The following PTPRM variants were observed in gnomAD, a reference collection of about 807,000 sequenced individuals.
PTPRM encodes the protein protein tyrosine phosphatase receptor type M.
In PTPRM, 47 loss-of-function variants were observed where a neutral mutation model predicts 186.7. That is an observed-to-expected ratio of 0.25 (90% CI 0.20 to 0.32). The LOEUF is 0.32. Ranked by LOEUF, PTPRM falls within the 10% of genes least tolerant of loss-of-function variation. The pLI is 1.00. For missense variants in PTPRM, 1,494 were observed against 1,865.0 expected (o/e 0.80, Z 3.66); for synonymous variants, 668 against 674.9 (o/e 0.99, Z 0.16).
chr18:8,388,656 C>G (rs773889681), intron 31 of PTPRM, among the ~76,000 whole-genome samples: 1 of 152,120 alleles, frequency 6.6e-6, no homozygotes, highest in Non-Finnish European at 1.5e-5. Flanking sequence ...TCTCATGGAC[C>G]CAGTGCATTA....
intron 7 of PTPRM, among the ~76,000 whole-genome samples, chr18:8,039,369 T>C (rs1158518332): frequency 6.6e-6 from 1 of 152,030 alleles, no homozygotes; most frequent in African/African-American, 2.4e-5. Context: ...GTTTAAATGT[T>C]GTTTTAGAAT....
chr18:7,804,526 A>G (rs2044137027), intron 2 of PTPRM, among the ~76,000 whole-genome samples: 1 of 152,182 alleles, frequency 6.6e-6, no homozygotes, highest in Non-Finnish European at 1.5e-5. Context: ...TCTTTGTCAT[A>G]TGTTATTAGT....
chr18:7,949,453 T>A, intron 6 of PTPRM, 98 bp downstream of exon 6: 1 of 1,053,012 alleles, frequency 9.5e-7, no homozygotes. Context: ...TACCCTTGTC[T>A]GTTTCTGAGC....
At position 7,793,718 on chromosome 18, in the gene PTPRM, C is replaced by T. The variant is rs182385526; in HGVS notation, c.196+19447C>T. Among the ~76,000 whole-genome samples the T allele has an allele frequency of 3.9e-5, 6 of 152,174 alleles. No homozygotes were observed. The East Asian group carries it at 5.8e-4, about 15-fold the overall frequency. ...TGGTCACTGGAGAGAGCTTCATGCC[C>T]GGCCTGTGCTCAGGGACCTAGGTGA... On this transcript the variant is annotated intron_variant, in intron 2 of 32. Transcript: ENST00000580170.
At chr18:8,160,149 A>G (rs2093202145) in intron 14 of PTPRM, among the ~76,000 whole-genome samples, 1 of 152,188 alleles carries the variant, frequency 6.6e-6, no homozygotes. Flanking sequence ...TTTTTTATAA[A>G]TCGTGTATTC....
chr18:7,927,562 G>A (rs1334581858), intron 5 of PTPRM, among the ~76,000 whole-genome samples: 2 of 151,770 alleles, frequency 1.3e-5, no homozygotes, highest in Admixed American at 6.6e-5. Context: ...CTGTGTACGC[G>A]GTTGTGCTCC....
rs1598599211 is a variant in PTPRM, at chr18:7,640,081, G to T, written c.73+72190G>T. 2.0e-5 allele frequency among the ~76,000 whole-genome samples: 3 copies of T among 152,204 alleles called. No homozygotes were observed. In the South Asian group the frequency reaches 6.2e-4, roughly 32 times the overall value. ...TGTAATCAAAAATAAATGGCAGAATGGATGGATGACTGGCAGTGACAGATA... is the reference window on the plus strand; with the variant it reads ...TGTAATCAAAAATAAATGGCAGAATTGATGGATGACTGGCAGTGACAGATA... On this transcript the variant is annotated intron_variant, in intron 1 of 32. Coordinates refer to ENST00000580170, the MANE Select transcript of PTPRM (RefSeq NM_001105244.2).
At chr18:8,173,939 C>T (rs926178253) in intron 14 of PTPRM, among the ~76,000 whole-genome samples, 1 of 152,024 alleles carries the variant, frequency 6.6e-6, no homozygotes, top group South Asian at 2.1e-4. Context: ...GTGGTGGTGT[C>T]GCCCATAATC....
At chr18:8,344,646 A>G (rs1209780635) in intron 23 of PTPRM, among the ~76,000 whole-genome samples, 1 of 151,986 alleles carries the variant, frequency 6.6e-6, no homozygotes, top group Non-Finnish European at 1.5e-5. Flanking sequence ...ACTACAGACC[A>G]GAAATAAAGT....
Position 7,811,831 on chromosome 18 carries a change from T to G in PTPRM, c.196+37560T>G, listed in dbSNP as rs572104305. ...TGTTGTTGGGCAATTATAATCTATATTCTGAACACTTGAAAGGGTTAATAT... is the reference window on the plus strand; with the variant it reads ...TGTTGTTGGGCAATTATAATCTATAGTCTGAACACTTGAAAGGGTTAATAT... On this transcript the variant is annotated intron_variant, in intron 2 of 32. Transcript: ENST00000580170. Among the ~76,000 whole-genome samples the G allele has an allele frequency of 7.9e-5, 12 of 152,284 alleles. No homozygotes were observed. The East Asian group carries it at 2.3e-3, about 29-fold the overall frequency.
At chr18:8,099,159 T>TTCTC (rs371620516) in intron 11 of PTPRM, among the ~76,000 whole-genome samples, 2 of 149,444 alleles carry the variant, frequency 1.3e-5, no homozygotes, top group African/African-American at 5.0e-5. Flanking sequence ...CTCTCTCTCT[T>TTCTC]TCTCTCTCTC....
chr18:8,296,520 A>G, intron 20 of PTPRM, 65 bp downstream of exon 20: 1 of 1,220,342 alleles, frequency 8.2e-7, no homozygotes, highest in Admixed American at 1.7e-5. Flanking sequence ...AAGATTGACC[A>G]CCAGGCTCAT....
intron 7 of PTPRM, among the ~76,000 whole-genome samples, chr18:8,024,165 CTG>C (rs922945916): frequency 6.6e-6 from 1 of 151,946 alleles, no homozygotes; most frequent in African/African-American, 2.4e-5. Flanking sequence ...GAGTTGAGCT[CTG>C]TTTTTGTTTT....
intron 31 of PTPRM, among the ~76,000 whole-genome samples, chr18:8,392,116 A>G (rs898926628): frequency 7.2e-5 from 11 of 152,180 alleles, no homozygotes; most frequent in Non-Finnish European, 1.6e-4. Context: ...TAAATTTGCA[A>G]GACATACCAA....
intron 7 of PTPRM, among the ~76,000 whole-genome samples, chr18:8,035,530 A>G (rs2086265433): frequency 6.6e-6 from 1 of 152,154 alleles, no homozygotes; most frequent in African/African-American, 2.4e-5. Context: ...ATGCTATGTA[A>G]ATAGTTCTTA....
intron 9 of PTPRM, among the ~76,000 whole-genome samples, chr18:8,081,523 T>C (rs1051335128): frequency 6.6e-6 from 1 of 152,200 alleles, no homozygotes; most frequent in Admixed American, 6.5e-5. Flanking sequence ...TTAATAAGCA[T>C]GTATTGAATG....
At chr18:8,238,272 C>A (rs1197707218) in intron 14 of PTPRM, among the ~76,000 whole-genome samples, 1 of 152,088 alleles carries the variant, frequency 6.6e-6, no homozygotes, top group Non-Finnish European at 1.5e-5. Flanking sequence ...TTGGGATATT[C>A]TGACATTTTG....
intron 27 of PTPRM, 76 bp downstream of exon 27, chr18:8,378,490 G>A (rs1712735260): frequency 1.3e-6 from 2 of 1,529,584 alleles, no homozygotes; most frequent in South Asian, 1.2e-5. Context: ...GCACCTGAGT[G>A]AGCCCTTGAA....
At chr18:7,920,535 T>C (rs1413248191) in intron 4 of PTPRM, among the ~76,000 whole-genome samples, 2 of 152,192 alleles carry the variant, frequency 1.3e-5, no homozygotes, top group Admixed American at 1.3e-4. Context: ...AGTTTGCGTG[T>C]TTTTATACGG....
Sources: gnomAD v4.1 joint callset for allele counts (sites outside exome capture counted in the v4.1 genomes callset) on GRCh38, gnomAD v4.1.1 for gene constraint, MANE v1.5 for transcripts, NCBI Gene and HGNC (gene_info 2026-07-23, HGNC 2026-07-21) for gene names.